Variants in TTC7B observed in about 807,000 individuals in gnomAD.
TTC7B encodes the protein tetratricopeptide repeat domain 7B.
Under a neutral mutation model 106.8 loss-of-function variants are expected in TTC7B, and 28 were observed. The observed-to-expected ratio is 0.26, with a 90% CI of 0.19 to 0.36. The LOEUF (loss-of-function observed/expected upper bound fraction) is 0.36. Among genes scored for constraint, TTC7B ranks in the 10% least tolerant of loss-of-function variants. The probability of loss-of-function intolerance (pLI) is 1.00; values close to 1 mark genes in which losing one functional copy is unlikely to be tolerated. For missense variants in TTC7B, 862 were observed against 1,076.4 expected (o/e 0.80, Z 2.79); for synonymous variants, 405 against 430.6 (o/e 0.94, Z 0.74).
intron 6 of TTC7B, among the ~76,000 whole-genome samples, chr14:90,690,389 C>T (rs1887424330): frequency 6.6e-6 from 1 of 152,174 alleles, no homozygotes; most frequent in South Asian, 2.1e-4. Flanking sequence ...ACAGTGAAAA[C>T]CCAGAAACAT....
chr14:90,739,336 C>T (rs912417193), intron 4 of TTC7B, among the ~76,000 whole-genome samples: 1 of 152,208 alleles, frequency 6.6e-6, no homozygotes, highest in East Asian at 1.9e-4. Context: ...TATTGTCTCA[C>T]ATTTTAAAGT....
intron 3 of TTC7B, chr14:90,766,591 G>A (rs979530970): frequency 3.6e-6 from 3 of 840,712 alleles, no homozygotes; most frequent in Admixed American, 1.7e-5. Context: ...CACCATCATC[G>A]ATGGGCAGTG....
At chr14:90,573,875 C>T (rs1364231380) in intron 19 of TTC7B, among the ~76,000 whole-genome samples, 1 of 152,254 alleles carries the variant, frequency 6.6e-6, no homozygotes, top group East Asian at 1.9e-4. Flanking sequence ...CCCATCCTGG[C>T]CTTATCAGCT....
At chr14:90,571,393 T>C (rs1456787238) in intron 19 of TTC7B, among the ~76,000 whole-genome samples, 1 of 152,114 alleles carries the variant, frequency 6.6e-6, no homozygotes, top group Non-Finnish European at 1.5e-5. Context: ...GAACTGCAGT[T>C]ATAGCGAGGA....
intron 19 of TTC7B, among the ~76,000 whole-genome samples, chr14:90,555,217 C>T (rs536457080): frequency 5.3e-5 from 8 of 152,306 alleles, no homozygotes; most frequent in East Asian, 3.9e-4. Context: ...CTGGACCCCA[C>T]GGCTCAGCAC....
At chr14:90,796,524 G>A (rs1451725417) in intron 1 of TTC7B, among the ~76,000 whole-genome samples, 8 of 152,294 alleles carry the variant, frequency 5.3e-5, no homozygotes, top group Middle Eastern at 6.8e-3. Context: ...CCCGGGGAAG[G>A]TGGGGCTGTG....
rs1886008816 is a variant in TTC7B at position 90,657,716 on chromosome 14, A to G, written c.1237-438T>C. The G allele has an allele frequency of 9.5e-6, 2 of 211,216 alleles. No homozygotes were observed. Among genetic ancestry groups the G allele is most frequent in the Admixed American group, 5.3e-5 (1 of 18,968 alleles). 13.1% of individuals were successfully genotyped at this position (211,216 alleles called of 1,614,324 possible). A position where few individuals can be genotyped will look rare whatever the true frequency, so the allele number is the denominator to read the frequency against. On this transcript the variant is annotated intron_variant, in intron 10 of 19. Transcript: ENST00000328459. This position sits in a 1 kb window ranked among gnomAD's most constrained non-coding sequence, Gnocchi z 4.2. Reference sequence around the variant, plus strand: ...AAAACAATAGCTACGACCTCTGTTGAGTGTATACACAGCAAGGAGCGTGCC... The same window carrying G: ...AAAACAATAGCTACGACCTCTGTTGGGTGTATACACAGCAAGGAGCGTGCC...
At chr14:90,595,749 A>G (rs1892176272) in intron 17 of TTC7B, among the ~76,000 whole-genome samples, 1 of 152,214 alleles carries the variant, frequency 6.6e-6, no homozygotes, top group African/African-American at 2.4e-5. Flanking sequence ...TGTTATAGCT[A>G]CATCCCAGAC....
At chr14:90,648,978 C>T (rs1337341578) in intron 13 of TTC7B, 1 of 152,160 alleles carries the variant, frequency 6.6e-6, no homozygotes, top group Non-Finnish European at 1.5e-5. Flanking sequence ...CAATACCAAC[C>T]AACTGAAAAG....
Position 90,536,748 on chromosome 14 carries a change from A to C in TTC7B, c.*4620T>G, listed in dbSNP as rs887089295. On this transcript the variant is annotated 3_prime_UTR_variant, in exon 20 of 20. Transcript: ENST00000328459. ...GGAGCCTGACAGCCTCCCAGCTCCC[A>C]CGCTGCGGCCTGCAGAATAACGTGC... 1.3e-5 allele frequency: 2 copies of C among 152,274 alleles called. No homozygotes were observed. Among genetic ancestry groups the C allele is most frequent in the Admixed American group, 1.3e-4 (2 of 15,276 alleles). The allele number at this position is 152,274 out of a possible 1,614,324, so 9.4% of individuals were successfully genotyped here. A position where few individuals can be genotyped will look rare whatever the true frequency, so the allele number is the denominator to read the frequency against.
At chr14:90,755,659 T>TA (rs11284003) in intron 3 of TTC7B, among the ~76,000 whole-genome samples, 5 of 149,758 alleles carry the variant, frequency 3.3e-5, no homozygotes, top group Admixed American at 2.0e-4. Context: ...ACCCTGTCAC[T>TA]AAAAAAAACA....
intron 3 of TTC7B, among the ~76,000 whole-genome samples, chr14:90,750,054 G>A (rs553749490): frequency 6.6e-6 from 1 of 152,192 alleles, no homozygotes; most frequent in Admixed American, 6.5e-5. Flanking sequence ...ATAACCTCTT[G>A]ACATTTTCAT....
At chr14:90,704,732 G>C (rs1888135782) in intron 5 of TTC7B, among the ~76,000 whole-genome samples, 1 of 152,214 alleles carries the variant, frequency 6.6e-6, no homozygotes, top group Non-Finnish European at 1.5e-5. Context: ...CTTCACAGCA[G>C]AAACAGGACT....
intron 5 of TTC7B, among the ~76,000 whole-genome samples, chr14:90,713,440 T>C (rs1005633067): frequency 1.3e-5 from 2 of 152,068 alleles, no homozygotes; most frequent in Non-Finnish European, 2.9e-5. Flanking sequence ...CACATGAAAA[T>C]TTGCTGAACT....
chr14:90,578,081 G>T lies in TTC7B; in HGVS notation c.2310+25C>A. The T allele has an allele frequency of 6.3e-7, 1 of 1,582,906 alleles. No individual in the cohort carries two copies. The highest frequency in any genetic ancestry group is 2.3e-5 in the East Asian group (1 of 43,764). On this transcript the variant is annotated intron_variant, in intron 19 of 19. Transcript: ENST00000328459. The surrounding 1 kb of genome is among the most constrained non-coding windows in gnomAD (Gnocchi z 4.7). Reference sequence around the variant, plus strand: ...GGGCTGTCCCCATGCCAGAGTAGGGGCCACCGCCGGGCTCGTGGACTCACC... The same window carrying T: ...GGGCTGTCCCCATGCCAGAGTAGGGTCCACCGCCGGGCTCGTGGACTCACC...
intron 17 of TTC7B, among the ~76,000 whole-genome samples, chr14:90,606,792 A>G (rs905724787): frequency 2.1e-4 from 32 of 152,222 alleles, no homozygotes; most frequent in African/African-American, 7.5e-4. Context: ...TTCAAAGCTT[A>G]TGGACGTGGG....
intron 3 of TTC7B, among the ~76,000 whole-genome samples, chr14:90,778,308 C>T (rs185808650): frequency 1.1e-3 from 163 of 152,344 alleles, no homozygotes; most frequent in African/African-American, 3.4e-3. Flanking sequence ...CACATATCAC[C>T]CAGGGCCAGG....
chr14:90,592,749 CT>C (rs1892015357), intron 18 of TTC7B, among the ~76,000 whole-genome samples: 1 of 151,064 alleles, frequency 6.6e-6, no homozygotes, highest in South Asian at 2.1e-4. Context: ...TATTTTTGGG[CT>C]TTTTAGTGGT....
rs1315678805 is a variant in TTC7B, at chr14:90,570,277, G to T, written c.2310+7829C>A. 6.6e-6 allele frequency among the ~76,000 whole-genome samples: 1 copy of T among 152,196 alleles called. No individual in the cohort carries two copies. The highest frequency in any genetic ancestry group is 2.4e-5 in the African/African-American group (1 of 41,460). ...TGATCTCATGTCAAATCACATGGCT[G>T]CATCATCCAATCCTGCCTCGAAGTC... On this transcript the variant is annotated intron_variant, in intron 19 of 19. Transcript: ENST00000328459. This position sits in a 1 kb window ranked among gnomAD's most constrained non-coding sequence, Gnocchi z 4.0.
Sources: gnomAD v4.1 joint callset for allele counts (sites outside exome capture counted in the v4.1 genomes callset) on GRCh38, gnomAD v4.1.1 for gene constraint, Gnocchi (gnomAD v3.1) non-coding constraint, MANE v1.5 for transcripts, NCBI Gene and HGNC (gene_info 2026-07-23, HGNC 2026-07-21) for gene names.